LRP8: variants seen among roughly 807,000 people sequenced by gnomAD.
LRP8 encodes LDL receptor related protein 8, also known as low-density lipoprotein receptor-related protein 8.
A neutral mutation model predicts 111.6 loss-of-function variants in LRP8; 46 were observed. The ratio of observed to expected loss-of-function variants is 0.41; its 90% CI spans 0.33 to 0.53. The LOEUF is 0.53. LRP8 is among the 20% of genes least tolerant of loss of function. The pLI, the probability that LRP8 is intolerant of heterozygous loss-of-function variation, is 0.20. For synonymous variants in LRP8, 464 were observed against 511.2 expected (o/e 0.91, Z 1.24); for missense variants, 959 against 1,297.4 (o/e 0.74, Z 4.01).
chr1:53,250,693 A>G lies in LRP8; in HGVS notation c.2673T>C (p.Pro891=). 1.2e-6 allele frequency: 2 copies of G among 1,613,722 alleles called. No individual in the cohort carries two copies. Among genetic ancestry groups the G allele is most frequent in the Non-Finnish European group, 8.5e-7 (1 of 1,179,668 alleles). Residue 891 remains proline (P), a synonymous_variant, in exon 17 of 19, where the codon CCT becomes CCC. Transcript: ENST00000306052. This position sits in a 1 kb window ranked among gnomAD's most constrained non-coding sequence, Gnocchi z 4.6. The stretch of plus-strand genomic sequence containing the variant: ...TCTCCCAGTGAGAAATACTTACTGC[A>G]GGATAGACATGGCCAATCTGAGCAG... ...GRTAQIGHVY[P]AAISSFDRPL...
Position 53,257,244 on chromosome 1 carries a change from C to T in LRP8, c.2430G>A (p.Gln810=). The T allele has an allele frequency of 6.2e-7, 1 of 1,613,996 alleles. No homozygotes were observed. The highest frequency in any genetic ancestry group is 8.5e-7 in the Non-Finnish European group (1 of 1,179,992). The change falls in exon 15 of 19, where the codon CAG becomes CAA. Residue 810 remains glutamine, a synonymous_variant. Transcript: ENST00000306052. ...TLSPATSNHS[Q]HYANEDSKMG... ...ATGCAGAACTCATTTCCTTACAGTG[C>T]TGGGAGTGGTTGCTGGTTGCAGGGC... is the stretch of plus-strand genomic sequence containing the variant.
intron 8 of LRP8, among the ~76,000 whole-genome samples, chr1:53,269,046 TC>T (rs1264019126): frequency 6.6e-6 from 1 of 152,124 alleles, no homozygotes; most frequent in African/African-American, 2.4e-5. Flanking sequence ...CTCAATGGTT[TC>T]CCCCCAGTTA....
At position 53,275,841 on chromosome 1, in the gene LRP8, C is replaced by G; in HGVS notation, c.884-88G>C. ...CACCCCAATCCCCATGCCATAGCCACCCCCAGCAAAAACAGAACCAGTGGC... is the reference window on the plus strand; with the variant it reads ...CACCCCAATCCCCATGCCATAGCCAGCCCCAGCAAAAACAGAACCAGTGGC... On this transcript the variant is annotated intron_variant, in intron 5 of 18. Coordinates refer to ENST00000306052, the MANE Select transcript of LRP8 (RefSeq NM_004631.5). This position sits in a 1 kb window ranked among gnomAD's most constrained non-coding sequence, Gnocchi z 4.4. 2.0e-6 allele frequency: 3 copies of G among 1,495,952 alleles called. No homozygotes were observed. Among genetic ancestry groups the G allele is most frequent in the East Asian group, 4.8e-5 (2 of 41,460 alleles). 92.7% of individuals were successfully genotyped at this position (1,495,952 alleles called of 1,614,324 possible).
chr1:53,281,250 T>C (rs1339143677), intron 3 of LRP8, among the ~76,000 whole-genome samples: 1 of 152,238 alleles, frequency 6.6e-6, no homozygotes, highest in Non-Finnish European at 1.5e-5. Flanking sequence ...CTGATCCTGC[T>C]GCTGAGAGCA....
In LRP8 at chr1:53,266,748, T is replaced by C; in HGVS notation, c.1253-101A>G. On this transcript the variant is annotated intron_variant, in intron 8 of 18. Transcript: ENST00000306052. The surrounding 1 kb of genome is among the most constrained non-coding windows in gnomAD (Gnocchi z 5.0). The stretch of plus-strand genomic sequence containing the variant: ...GGCTTGCTGGCTGACACATCCATTT[T>C]CCTTAAAATAGTAGTGACAATTCCT... 9.5e-7 allele frequency: 1 copy of C among 1,054,170 alleles called. No individual in the cohort carries two copies. The highest frequency in any genetic ancestry group is 1.4e-6 in the Non-Finnish European group (1 of 695,744). 65.3% of individuals were successfully genotyped at this position (1,054,170 alleles called of 1,614,324 possible). A position where few individuals can be genotyped will look rare whatever the true frequency, so the allele number is the denominator to read the frequency against.
At chr1:53,322,377 C>T (rs1032938671) in intron 2 of LRP8, among the ~76,000 whole-genome samples, 3 of 152,160 alleles carry the variant, frequency 2.0e-5, no homozygotes, top group Non-Finnish European at 2.9e-5. Flanking sequence ...GAGGTGACAC[C>T]TGCACCGGAT....
Position 53,258,299 on chromosome 1 carries a change from C to G in LRP8, c.2209+20G>C, listed in dbSNP as rs1214224714. Reference sequence around the variant, plus strand: ...GGTCTGACACTGCCAGGGGCCATCCCTCCTGGAAGGTCTGCTTACCTCGGT... The same window carrying G: ...GGTCTGACACTGCCAGGGGCCATCCGTCCTGGAAGGTCTGCTTACCTCGGT... On this transcript the variant is annotated intron_variant, in intron 14 of 18. Transcript: ENST00000306052. The G allele has an allele frequency of 6.2e-7, 1 of 1,611,448 alleles. No individual in the cohort carries two copies. Among genetic ancestry groups the G allele is most frequent in the Non-Finnish European group, 8.5e-7 (1 of 1,178,594 alleles).
At chr1:53,258,113 C>G in intron 14 of LRP8, 1 of 421,522 alleles carries the variant, frequency 2.4e-6, no homozygotes, top group Non-Finnish European at 4.2e-6. Flanking sequence ...GCATTTTTTC[C>G]TTGGGAGTGA....
intron 2 of LRP8, among the ~76,000 whole-genome samples, chr1:53,311,571 C>T (rs943365503): frequency 3.3e-5 from 5 of 152,110 alleles, no homozygotes; most frequent in Non-Finnish European, 5.9e-5. Context: ...GAGGAAGGAG[C>T]GATACTGCGT....
rs760484780 is a variant in LRP8, at chr1:53,326,949, G to C, written c.168C>G (p.Asn56Lys). The C allele has an allele frequency of 6.2e-7, 1 of 1,613,744 alleles. No homozygotes were observed. The highest frequency in any genetic ancestry group is 8.5e-7 in the Non-Finnish European group (1 of 1,180,012). ...DCEKDQFQCR[N>K]ERCIPSVWRC... ...TCCACACAGAGGGGATGCAGCGCTC[G>C]TTCCGGCACTGGAATTGGTCCTTTT... The change falls in exon 2 of 19, where the codon AAC becomes AAG. Residue 56 changes from asparagine to lysine, a missense_variant. Physicochemically the swap from Asn to Lys is moderately conservative, Grantham distance 94. This residue lies in a region of LRP8 where 97 missense variants were observed against 107.5 expected (regional missense o/e 0.90). Transcript: ENST00000306052.
At chr1:53,256,432 G>C (rs982937692) in intron 15 of LRP8, among the ~76,000 whole-genome samples, 2 of 152,238 alleles carry the variant, frequency 1.3e-5, no homozygotes, top group African/African-American at 2.4e-5. Context: ...GCCCTCAGAT[G>C]AGAGGAACTG....
At position 53,289,560 on chromosome 1, in the gene LRP8, G is replaced by C. The variant is rs769216871; in HGVS notation, c.367+7C>G. 1 of 1,595,630 alleles carries C rather than the reference G, an allele frequency of 6.3e-7. No homozygotes were observed. Among genetic ancestry groups the C allele is most frequent in the Non-Finnish European group, 8.5e-7 (1 of 1,169,686 alleles). On this transcript the variant is annotated splice_region_variant and intron_variant, in intron 3 of 18. Transcript: ENST00000306052. ...CACCCCCACCCAGACTGAGGGGCAGGACTCACTGCAAGTGGCCTCGGACTC... is the reference window on the plus strand; with the variant it reads ...CACCCCCACCCAGACTGAGGGGCAGCACTCACTGCAAGTGGCCTCGGACTC...
chr1:53,327,730 C>CCG, intron 1 of LRP8, 59 bp downstream of exon 1: 5 of 1,397,332 alleles, frequency 3.6e-6, no homozygotes, highest in Non-Finnish European at 2.8e-6. Flanking sequence ...GGCCTCCCGG[C>CCG]CGCGCTTTGT....
chr1:53,309,951 G>A (rs1439893960), intron 2 of LRP8, among the ~76,000 whole-genome samples: 1 of 151,920 alleles, frequency 6.6e-6, no homozygotes, highest in East Asian at 1.9e-4. Flanking sequence ...CACCTACCCC[G>A]ACGCTTCACC....
intron 2 of LRP8, among the ~76,000 whole-genome samples, chr1:53,302,697 CTT>C (rs35419399): frequency 1.4e-4 from 20 of 141,692 alleles, no homozygotes; most frequent in Non-Finnish European, 1.8e-4. Context: ...CAATCAATGC[CTT>C]TTTTTTTTTT....
chr1:53,308,101 G>C (rs1042025132), intron 2 of LRP8, among the ~76,000 whole-genome samples: 3 of 152,216 alleles, frequency 2.0e-5, no homozygotes, highest in African/African-American at 7.2e-5. Flanking sequence ...GAGGCTGCTG[G>C]CTCTCCTATC....
Position 53,276,832 on chromosome 1 carries a change from GGACGGCCGCAGAGC to G in LRP8, c.729_742del (p.Glu243AspfsTer82). The G allele has an allele frequency of 1.6e-6, 2 of 1,274,188 alleles. No homozygotes were observed. The highest frequency in any genetic ancestry group is 3.7e-5 in the South Asian group (2 of 53,470). 78.9% of individuals were successfully genotyped at this position (1,274,188 alleles called of 1,614,324 possible). On this transcript the variant is annotated frameshift_variant, in exon 5 of 19. Transcript: ENST00000306052. LOFTEE classifies it high-confidence loss of function. ...GGGCGCGGACGTGGCCCCGGGGCCC[GGACGGCCGCAGAGC>G]TCGGCTGCCTCGTCCGAGCGGTCCT...
chr1:53,308,490 G>A (rs572106426), intron 2 of LRP8, among the ~76,000 whole-genome samples: 1 of 145,192 alleles, frequency 6.9e-6, no homozygotes, highest in African/African-American at 2.8e-5. Flanking sequence ...CTAAATGTTT[G>A]GAAAAAGCAG....
chr1:53,309,334 C>T (rs1652577074), intron 2 of LRP8, among the ~76,000 whole-genome samples: 1 of 152,186 alleles, frequency 6.6e-6, no homozygotes, highest in Admixed American at 6.5e-5. Context: ...CACCCCACTC[C>T]CCATAAGCAT....
Sources: allele counts gnomAD v4.1 joint callset (sites outside exome capture counted in the v4.1 genomes callset), GRCh38; gene constraint gnomAD v4.1.1; regional missense constraint gnomAD v4.1.1; non-coding constraint Gnocchi (gnomAD v3.1); transcripts MANE v1.5; gene names NCBI Gene and HGNC (gene_info 2026-07-23, HGNC 2026-07-21).